The following CNTN5 variants were observed in gnomAD, a reference collection of about 807,000 sequenced individuals.
The protein encoded by CNTN5 is contactin-5.
Under a neutral mutation model 129.1 loss-of-function variants are expected in CNTN5, and 77 were observed. The observed-to-expected ratio is 0.60, with a 90% confidence interval of 0.50 to 0.72. The LOEUF (loss-of-function observed/expected upper bound fraction) is 0.72. Among genes scored for constraint, CNTN5 ranks in the 30% least tolerant of loss-of-function variants. The pLI is 0.00. For missense variants in CNTN5, 1,478 were observed against 1,328.8 expected (o/e 1.11, Z -1.75); for synonymous variants, 509 against 465.6 (o/e 1.09, Z -1.20).
intron 6 of CNTN5, among the ~76,000 whole-genome samples, chr11:99,903,365 A>T (rs1020289160): frequency 6.6e-6 from 1 of 151,952 alleles, no homozygotes; most frequent in East Asian, 2.0e-4. Context: ...TAAAAATTCA[A>T]AACAGTCCTT....
chr11:99,505,867 C>T (rs947203112), intron 2 of CNTN5, among the ~76,000 whole-genome samples: 1 of 152,172 alleles, frequency 6.6e-6, no homozygotes, highest in East Asian at 1.9e-4. Flanking sequence ...TTTTGCCAGG[C>T]TCCTGGTCAT....
chr11:99,530,761 G>A (rs1260897307), intron 2 of CNTN5, among the ~76,000 whole-genome samples: 2 of 152,168 alleles, frequency 1.3e-5, no homozygotes, highest in East Asian at 1.9e-4. Flanking sequence ...AGGTTTATCA[G>A]GTGTTTCCGC....
intron 9 of CNTN5, among the ~76,000 whole-genome samples, chr11:100,041,238 A>T (rs10894331): frequency 0.22 from 33,335 of 152,046 alleles, 4,243 homozygotes; most frequent in East Asian, 0.46. Flanking sequence ...AACTCCTACC[A>T]ATTATGCAAG....
At chr11:100,048,281 CT>C (rs1942791100) in intron 9 of CNTN5, among the ~76,000 whole-genome samples, 1 of 145,996 alleles carries the variant, frequency 6.8e-6, no homozygotes, top group Non-Finnish European at 1.5e-5. Flanking sequence ...AAACTTTCAA[CT>C]TCAAATAAAG....
intron 16 of CNTN5, among the ~76,000 whole-genome samples, chr11:100,234,920 C>T (rs562441260): frequency 6.6e-6 from 1 of 151,406 alleles, no homozygotes; most frequent in Non-Finnish European, 1.5e-5. Flanking sequence ...AAATTTTTTG[C>T]AATTGCCCCA....
intron 1 of CNTN5, among the ~76,000 whole-genome samples, chr11:99,040,265 CTG>C (rs1238526958): frequency 6.6e-6 from 1 of 152,094 alleles, no homozygotes; most frequent in African/African-American, 2.4e-5. Flanking sequence ...CATTTTGTCA[CTG>C]TATTTGTGTG....
chr11:99,292,307 A>G (rs191665693), intron 1 of CNTN5, among the ~76,000 whole-genome samples: 3 of 151,966 alleles, frequency 2.0e-5, no homozygotes, highest in Admixed American at 2.0e-4. Context: ...AAAGGTAGGG[A>G]ATCACTGAAA....
rs1308766328 is a variant in CNTN5, at chr11:100,357,835, A to G, written c.*1615A>G. 3 of 151,630 alleles carry G rather than the reference A, an allele frequency of 2.0e-5. No individual in the cohort carries two copies. The highest frequency in any genetic ancestry group is 7.3e-5 in the African/African-American group (3 of 41,216). The allele number at this position is 151,630 out of a possible 1,614,324, so 9.4% of individuals were successfully genotyped here. On this transcript the variant is annotated 3_prime_UTR_variant, in exon 25 of 25. Coordinates refer to ENST00000524871, the MANE Select transcript of CNTN5 (RefSeq NM_014361.4). ...CCTGAAAGAATAGTTTCAGAGCCAC[A>G]GTAAAAGTCTGTATGTAGGTTACAT...
At chr11:100,133,577 C>T (rs1326737572) in intron 13 of CNTN5, among the ~76,000 whole-genome samples, 2 of 152,028 alleles carry the variant, frequency 1.3e-5, no homozygotes, top group Admixed American at 6.6e-5. Flanking sequence ...TATTGGACCC[C>T]AGATAGATAT....
At chr11:99,053,124 G>A (rs2135182041) in intron 1 of CNTN5, among the ~76,000 whole-genome samples, 1 of 151,874 alleles carries the variant, frequency 6.6e-6, no homozygotes, top group East Asian at 1.9e-4. Flanking sequence ...AAAAAGTTTA[G>A]GACCAATTTG....
intron 4 of CNTN5, among the ~76,000 whole-genome samples, chr11:99,834,270 C>T (rs1355286535): frequency 3.9e-5 from 6 of 152,154 alleles, no homozygotes; most frequent in Non-Finnish European, 8.8e-5. Context: ...GTAGATGCTG[C>T]ATTCACGGGG....
chr11:99,847,721 A>G (rs1408677620), intron 6 of CNTN5, among the ~76,000 whole-genome samples: 1 of 152,182 alleles, frequency 6.6e-6, no homozygotes, highest in African/African-American at 2.4e-5. Flanking sequence ...AAATGCAAAT[A>G]TGGGCAGTAG....
At chr11:99,565,865 C>T (rs1321216309) in intron 3 of CNTN5, among the ~76,000 whole-genome samples, 1 of 152,176 alleles carries the variant, frequency 6.6e-6, no homozygotes, top group African/African-American at 2.4e-5. Flanking sequence ...GAAGGGAAGT[C>T]TTCCCTTCAT....
intron 2 of CNTN5, among the ~76,000 whole-genome samples, chr11:99,544,857 G>A (rs1256912734): frequency 6.6e-6 from 1 of 151,790 alleles, no homozygotes; most frequent in Non-Finnish European, 1.5e-5. Flanking sequence ...TCATTACTGT[G>A]TGGGGGAAAA....
intron 3 of CNTN5, among the ~76,000 whole-genome samples, chr11:99,758,305 GTAT>G (rs1159708015): frequency 6.6e-6 from 1 of 151,902 alleles, no homozygotes; most frequent in African/African-American, 2.4e-5. Context: ...TATATGGAAA[GTAT>G]TATATTAGGA....
At chr11:99,686,716 C>G (rs2134750834) in intron 3 of CNTN5, among the ~76,000 whole-genome samples, 1 of 152,152 alleles carries the variant, frequency 6.6e-6, no homozygotes. Flanking sequence ...GACCTAAAAG[C>G]AAAGAGAAAG....
intron 4 of CNTN5, among the ~76,000 whole-genome samples, chr11:99,840,933 G>C (rs183566165): frequency 6.6e-6 from 1 of 152,110 alleles, no homozygotes; most frequent in Non-Finnish European, 1.5e-5. Flanking sequence ...ATGTATCTCA[G>C]TATATCTATA....
chr11:99,578,347 A>C (rs1396491432), intron 3 of CNTN5, among the ~76,000 whole-genome samples: 1 of 150,928 alleles, frequency 6.6e-6, no homozygotes, highest in Admixed American at 6.6e-5. Context: ...TATACCCAGT[A>C]ATGGGATAGT....
At chr11:99,760,025 A>T (rs1944527749) in intron 3 of CNTN5, among the ~76,000 whole-genome samples, 1 of 152,062 alleles carries the variant, frequency 6.6e-6, no homozygotes, top group Admixed American at 6.6e-5. Flanking sequence ...TCCAAACAGC[A>T]CATCCATTAA....
Sources: allele counts gnomAD v4.1 joint callset (sites outside exome capture counted in the v4.1 genomes callset), GRCh38; gene constraint gnomAD v4.1.1; transcripts MANE v1.5; gene names NCBI Gene and HGNC (gene_info 2026-07-23, HGNC 2026-07-21).